Variants in NRG4 observed in about 807,000 individuals in gnomAD.
NRG4 encodes pro-neuregulin-4, membrane-bound isoform.
A neutral mutation model predicts 15.0 loss-of-function variants in NRG4; 10 were observed. The ratio of observed to expected loss-of-function variants is 0.67; its 90% CI spans 0.41 to 1.13. The LOEUF is 1.13. Among genes scored for constraint, NRG4 ranks in the 50% most tolerant of loss-of-function variants. NRG4 has a pLI of 0.00. For synonymous variants in NRG4, 41 were observed against 50.1 expected (o/e 0.82, Z 0.77); for missense variants, 139 against 140.2 (o/e 0.99, Z 0.04).
chr15:76,001,300 A>G (rs527323279), intron 3 of NRG4, among the ~76,000 whole-genome samples: 12 of 152,016 alleles, frequency 7.9e-5, no homozygotes, highest in Admixed American at 1.3e-4. Context: ...CCTGGCCCCA[A>G]TTTTTGTAGC....
Position 76,053,495 on chromosome 15 carries a change from A to T in NRG4, c.-261-512T>A, listed in dbSNP as rs1326569434. ...AAGTATTCCATAAATGTCAGCAATTACTAGGATTCTATCAATAACTACATG... is the reference window on the plus strand; with the variant it reads ...AAGTATTCCATAAATGTCAGCAATTTCTAGGATTCTATCAATAACTACATG... On this transcript the variant is annotated intron_variant, in intron 2 of 8. Transcript: ENST00000563910. 6 of 151,068 alleles carry T rather than the reference A, an allele frequency of 4.0e-5. 1 individual carries two copies. Among genetic ancestry groups the T allele is most frequent in the African/African-American group, 9.9e-5 (4 of 40,538 alleles). The allele number at this position is 151,068 out of a possible 1,614,324, so 9.4% of individuals were successfully genotyped here.
rs776691925 is a variant in NRG4, at chr15:75,943,658, T to C, written c.332-4A>G. On this transcript the variant is annotated splice_polypyrimidine_tract_variant and splice_region_variant and intron_variant, in intron 5 of 5. Coordinates refer to ENST00000394907, the MANE Select transcript of NRG4 (RefSeq NM_138573.4). ...TTTCTTCAGTGTTGTTCATGACCTG[T>C]GAAAAATAAGTAAGAATTAAGATGC... 6.4e-7 allele frequency: 1 copy of C among 1,563,160 alleles called. No individual in the cohort carries two copies. Among genetic ancestry groups the C allele is most frequent in the Non-Finnish European group, 8.8e-7 (1 of 1,135,932 alleles).
downstream of NRG4, chr15:75,939,731 A>T (rs144709000): frequency 2.0e-5 from 3 of 152,334 alleles, no homozygotes; most frequent in East Asian, 5.8e-4. Context: ...ATTGTTCAAC[A>T]TACAAAAATC....
chr15:75,938,742 A>C (rs1289350422), downstream of NRG4: 1 of 152,230 alleles, frequency 6.6e-6, no homozygotes, highest in Non-Finnish European at 1.5e-5. Flanking sequence ...TAGTTTTAAA[A>C]GATACATATC....
chr15:75,995,058 C>T lies in NRG4; in HGVS notation c.104+14142G>A, dbSNP rs193153990. On this transcript the variant is annotated intron_variant, in intron 3 of 5. Coordinates refer to ENST00000394907, the MANE Select transcript of NRG4 (RefSeq NM_138573.4). The stretch of plus-strand genomic sequence containing the variant: ...TTAAAAATTAGAGGGCATGGTGGCA[C>T]GTGCCTCTAGTTCCAGCTACTCCCG... 1.5e-4 allele frequency among the ~76,000 whole-genome samples: 23 copies of T among 152,000 alleles called. No individual in the cohort carries two copies. The East Asian group carries it at 2.7e-3, about 18-fold the overall frequency.
At chr15:75,964,073 T>C (rs567618448) in intron 3 of NRG4, among the ~76,000 whole-genome samples, 26 of 152,196 alleles carry the variant, frequency 1.7e-4, no homozygotes, top group Middle Eastern at 3.4e-3. Context: ...AGAAAAAAGA[T>C]TAGATGAAAA....
chr15:75,988,160 G>A (rs8024490), intron 3 of NRG4, among the ~76,000 whole-genome samples: 5,809 of 152,186 alleles, frequency 0.038, 372 homozygotes, highest in African/African-American at 0.13. Flanking sequence ...AGAGGATGCC[G>A]ACGTCAAAGA....
intron 3 of NRG4, among the ~76,000 whole-genome samples, chr15:75,978,893 G>A (rs1033482672): frequency 2.0e-5 from 3 of 151,868 alleles, no homozygotes; most frequent in East Asian, 1.9e-4. Flanking sequence ...CAATAATTGC[G>A]CCTCAGATAA....
intron 3 of NRG4, among the ~76,000 whole-genome samples, chr15:76,007,729 T>C (rs2034659395): frequency 1.3e-5 from 2 of 152,194 alleles, no homozygotes; most frequent in Admixed American, 1.3e-4. Context: ...GCGCCCAACC[T>C]AAATGTACTT....
intron 4 of NRG4, among the ~76,000 whole-genome samples, chr15:75,958,314 C>T (rs979008067): frequency 3.9e-5 from 6 of 152,106 alleles, no homozygotes; most frequent in African/African-American, 1.4e-4. Flanking sequence ...GCCCGGCCAC[C>T]TCTCACTTAT....
chr15:76,005,123 C>T (rs188228941), intron 3 of NRG4, among the ~76,000 whole-genome samples: 2 of 152,218 alleles, frequency 1.3e-5, no homozygotes, highest in African/African-American at 4.8e-5. Flanking sequence ...CCTGTAATCC[C>T]AGCACCTTGG....
chr15:75,983,324 C>T (rs1254521245), intron 3 of NRG4, among the ~76,000 whole-genome samples: 1 of 152,030 alleles, frequency 6.6e-6, no homozygotes, highest in Non-Finnish European at 1.5e-5. Context: ...TAAAAACCCT[C>T]AATAAAATAG....
chr15:75,968,763 G>A (rs1300022533), intron 3 of NRG4, among the ~76,000 whole-genome samples: 1 of 151,824 alleles, frequency 6.6e-6, no homozygotes, highest in Non-Finnish European at 1.5e-5. Context: ...GTAAATAAAA[G>A]TCTATTAAAA....
At chr15:75,988,213 T>C (rs1453465794) in intron 3 of NRG4, among the ~76,000 whole-genome samples, 1 of 152,044 alleles carries the variant, frequency 6.6e-6, no homozygotes, top group Non-Finnish European at 1.5e-5. Context: ...TGAGACAGAG[T>C]CTCACTCTGT....
intron 5 of NRG4, among the ~76,000 whole-genome samples, chr15:75,953,480 A>G (rs1327299929): frequency 2.0e-5 from 3 of 152,174 alleles, no homozygotes; most frequent in Non-Finnish European, 4.4e-5. Context: ...ATCTTTTCCA[A>G]GATTGATTTG....
intron 3 of NRG4, among the ~76,000 whole-genome samples, chr15:75,981,407 C>T (rs1482090386): frequency 6.6e-6 from 1 of 152,086 alleles, no homozygotes; most frequent in African/African-American, 2.4e-5. Flanking sequence ...CCCAAGAATT[C>T]TGAGTAAATT....
rs534756200 is a variant in NRG4 at position 75,975,970 on chromosome 15, C to T, written c.105-13996G>A. On this transcript the variant is annotated intron_variant, in intron 3 of 5. Coordinates refer to ENST00000394907, the MANE Select transcript of NRG4 (RefSeq NM_138573.4). ...GTTTTCCAACTTGGTTCCATTCACCCTATCACTTTCAGATACACCAATCAA... is the reference window on the plus strand; with the variant it reads ...GTTTTCCAACTTGGTTCCATTCACCTTATCACTTTCAGATACACCAATCAA... Among the ~76,000 whole-genome samples the T allele has an allele frequency of 3.3e-5, 5 of 152,280 alleles. No individual in the cohort carries two copies. The East Asian group carries it at 9.6e-4, about 29-fold the overall frequency.
rs71140189 is a variant in NRG4, at chr15:75,967,456, ATTTT to A, written c.105-5486_105-5483del. 5.0e-3 allele frequency among the ~76,000 whole-genome samples: 503 copies of A among 100,194 alleles called. 5 individuals carry two copies. The highest frequency in any genetic ancestry group is 0.017 in the African/African-American group (482 of 27,720). 65.7% of individuals were successfully genotyped at this position (100,194 alleles called of 152,430 possible). ...GTCCAGTTATGAAGCAAAATCTTAGATTTTTTTTTTTTTTTTTTTTTTGAGATGG... is the reference window on the plus strand; with the variant it reads ...GTCCAGTTATGAAGCAAAATCTTAGATTTTTTTTTTTTTTTTTTGAGATGG... On this transcript the variant is annotated intron_variant, in intron 3 of 5. Transcript: ENST00000394907.
chr15:75,983,776 T>C (rs1436901316), intron 3 of NRG4, among the ~76,000 whole-genome samples: 2 of 151,976 alleles, frequency 1.3e-5, no homozygotes, highest in African/African-American at 4.8e-5. Context: ...TAAGAATAAA[T>C]TTAAGAAATA....
Sources: gnomAD v4.1 joint callset for allele counts (sites outside exome capture counted in the v4.1 genomes callset) on GRCh38, gnomAD v4.1.1 for gene constraint, MANE v1.5 for transcripts, NCBI Gene and HGNC (gene_info 2026-07-23, HGNC 2026-07-21) for gene names.